The following SFI1 variants were observed in gnomAD, a reference collection of about 807,000 sequenced individuals.
SFI1 encodes the protein SFI1 centrin binding protein.
A neutral mutation model predicts 207.5 loss-of-function variants in SFI1; 195 were observed. That is an observed-to-expected ratio of 0.94 (90% CI 0.84 to 1.06). The LOEUF is 1.06. Ranked by LOEUF, SFI1 falls within the 50% of genes least tolerant of loss-of-function variation. The pLI is 0.00. For synonymous variants in SFI1, 630 were observed against 598.9 expected (o/e 1.05, Z -0.76); for missense variants, 1,634 against 1,588.0 (o/e 1.03, Z -0.49).
In SFI1 at chr22:31,503,184, G is replaced by A. The variant is rs532637152; in HGVS notation, c.-30-5071G>A. On this transcript the variant is annotated intron_variant, in intron 1 of 32. Coordinates refer to ENST00000400288, the MANE Select transcript of SFI1 (RefSeq NM_001007467.3). ...ACAAGTCTGCTTTTTCATTGATGGAGAGTAAGGCACAGGTCTCAGAATCTG... is the reference window on the plus strand; with the variant it reads ...ACAAGTCTGCTTTTTCATTGATGGAAAGTAAGGCACAGGTCTCAGAATCTG... 5.9e-5 allele frequency among the ~76,000 whole-genome samples: 9 copies of A among 152,188 alleles called. No individual in the cohort carries two copies. The East Asian group carries it at 1.7e-3, about 29-fold the overall frequency.
chr22:31,559,522 C>T (rs938539406), intron 7 of SFI1: 5 of 550,628 alleles, frequency 9.1e-6, no homozygotes, highest in East Asian at 7.3e-5. Context: ...GCGTATTTTG[C>T]GAATACTCAA....
chr22:31,607,685 T>C (rs1216237150), intron 21 of SFI1: 1 of 250,952 alleles, frequency 4.0e-6, no homozygotes, highest in Non-Finnish European at 7.8e-6. Flanking sequence ...CACTACTTTA[T>C]GGCATGGTAT....
At chr22:31,549,288 TAAAAAAAAA>T (rs59382278) in intron 5 of SFI1, among the ~76,000 whole-genome samples, 2 of 37,218 alleles carry the variant, frequency 5.4e-5, no homozygotes, top group African/African-American at 2.5e-4. Flanking sequence ...AGACCCTGTG[TAAAAAAAAA>T]AAAAAAAAAA....
intron 2 of SFI1, among the ~76,000 whole-genome samples, chr22:31,527,149 G>A (rs961533856): frequency 7.2e-5 from 11 of 151,978 alleles, no homozygotes; most frequent in East Asian, 3.9e-4. Flanking sequence ...CTCCCGCCTC[G>A]GCCTCTCAAA....
chr22:31,572,979 TTC>T, intron 8 of SFI1, 77 bp from the exon 9 acceptor site: 1 of 1,463,570 alleles, frequency 6.8e-7, no homozygotes, highest in Non-Finnish European at 9.3e-7. Flanking sequence ...GTGTGTGCCT[TTC>T]TCTTTTCCCT....
At chr22:31,517,981 T>C (rs1326401517) in intron 2 of SFI1, among the ~76,000 whole-genome samples, 2 of 152,098 alleles carry the variant, frequency 1.3e-5, no homozygotes, top group Non-Finnish European at 2.9e-5. Flanking sequence ...ATAGAATCTA[T>C]TGTTGTTGGT....
chr22:31,614,748 C>T, intron 27 of SFI1, 41 bp from the exon 28 acceptor site: 2 of 1,609,354 alleles, frequency 1.2e-6, no homozygotes, highest in Non-Finnish European at 8.5e-7. Context: ...CCCTGCAGCC[C>T]CTGGTCAGCC....
At chr22:31,584,526 A>T (rs1359373215) in intron 13 of SFI1, among the ~76,000 whole-genome samples, 1 of 152,192 alleles carries the variant, frequency 6.6e-6, no homozygotes, top group African/African-American at 2.4e-5. Flanking sequence ...TTGCTGCCAG[A>T]AATGTTCAAT....
At chr22:31,611,325 C>T in intron 23 of SFI1, 22 bp downstream of exon 23, 1 of 1,568,262 alleles carries the variant, frequency 6.4e-7, no homozygotes, top group Non-Finnish European at 8.7e-7. Flanking sequence ...GGTGGCAACT[C>T]TCCAAGTTCT....
intron 4 of SFI1, 21 bp from the exon 5 acceptor site, chr22:31,546,840 A>G (rs778443549): frequency 1.4e-6 from 2 of 1,454,946 alleles, no homozygotes; most frequent in Admixed American, 1.8e-5. Context: ...ATATATATAT[A>G]TGATTTTTTT....
chr22:31,540,247 A>G (rs1054738315), intron 4 of SFI1, among the ~76,000 whole-genome samples: 38 of 150,112 alleles, frequency 2.5e-4, no homozygotes, highest in South Asian at 8.4e-4. Flanking sequence ...TTTGTTATTT[A>G]TTTATATTTT....
chr22:31,535,189 T>TC (rs1364822922), intron 4 of SFI1, among the ~76,000 whole-genome samples: 1 of 148,030 alleles, frequency 6.8e-6, no homozygotes, highest in East Asian at 2.0e-4. Context: ...TTATTGCTTT[T>TC]TTTTTTTTTT....
chr22:31,533,244 C>CG (rs1363508058), intron 4 of SFI1, among the ~76,000 whole-genome samples: 1 of 151,988 alleles, frequency 6.6e-6, no homozygotes, highest in Non-Finnish European at 1.5e-5. Flanking sequence ...TTTTAGTGTT[C>CG]GGGCCGGGCG....
chr22:31,608,029 C>G lies in SFI1; in HGVS notation c.2250C>G (p.Asp750Glu). The G allele has an allele frequency of 6.2e-7, 1 of 1,613,602 alleles. No individual in the cohort carries two copies. The highest frequency in any genetic ancestry group is 8.5e-7 in the Non-Finnish European group (1 of 1,179,736). Residue 750 changes from aspartate (D) to glutamate (E), a missense_variant, in exon 22 of 33, where the codon GAC becomes GAG. Asp to Glu is a conservative substitution (Grantham distance 45). Coordinates refer to ENST00000400288, the MANE Select transcript of SFI1 (RefSeq NM_001007467.3). ...TCTGGGAGGCCCAGAAGGTGCTGGA[C>G]AGGGGTAAGTGGGGCCCCAGAAGCA... ...CAIWEAQKVLDRGCLRTWFQR... is the reference protein window; with the variant it reads ...CAIWEAQKVLERGCLRTWFQR...
In SFI1 at chr22:31,612,414, T is replaced by C. The variant is rs1187094564; in HGVS notation, c.2490+574T>C. 3.3e-5 allele frequency: 4 copies of C among 119,688 alleles called. 1 individual carries two copies. The highest frequency in any genetic ancestry group is 1.3e-4 in the African/African-American group (4 of 31,026). 7.4% of individuals were successfully genotyped at this position (119,688 alleles called of 1,614,324 possible). A position where few individuals can be genotyped will look rare whatever the true frequency, so the allele number is the denominator to read the frequency against. On this transcript the variant is annotated intron_variant, in intron 24 of 32. Coordinates refer to ENST00000400288, the MANE Select transcript of SFI1 (RefSeq NM_001007467.3). ...AAAAAAAAAAATATATATATATATA[T>C]ATATATATATATAATCAGTGGGCCG...
chr22:31,566,986 A>G (rs368368052), intron 8 of SFI1, among the ~76,000 whole-genome samples: 4 of 151,926 alleles, frequency 2.6e-5, no homozygotes, highest in African/African-American at 9.7e-5. Context: ...GCTCACTGCA[A>G]GCTCCACCTC....
chr22:31,565,550 T>A (rs1602843741), intron 8 of SFI1, among the ~76,000 whole-genome samples: 2 of 139,410 alleles, frequency 1.4e-5, no homozygotes, highest in Admixed American at 7.2e-5. Context: ...AAAAAAAAAA[T>A]TAGCTAGACG....
intron 8 of SFI1, among the ~76,000 whole-genome samples, chr22:31,565,883 G>A (rs1290885368): frequency 6.6e-6 from 1 of 152,048 alleles, no homozygotes; most frequent in African/African-American, 2.4e-5. Flanking sequence ...TGCCCAGGCT[G>A]TTCTTGAACT....
At chr22:31,527,886 G>T (rs1348855465) in intron 2 of SFI1, among the ~76,000 whole-genome samples, 1 of 152,102 alleles carries the variant, frequency 6.6e-6, no homozygotes. Context: ...GGCCGAGGTG[G>T]GTGGATAACC....
Sources: allele counts gnomAD v4.1 joint callset (sites outside exome capture counted in the v4.1 genomes callset), GRCh38; gene constraint gnomAD v4.1.1; transcripts MANE v1.5; gene names NCBI Gene and HGNC (gene_info 2026-07-23, HGNC 2026-07-21).